The following RIMS1 variants were observed in gnomAD, a reference collection of about 807,000 sequenced individuals.
RIMS1 encodes regulating synaptic membrane exocytosis protein 1.
A neutral mutation model predicts 214.1 loss-of-function variants in RIMS1; 83 were observed. The observed-to-expected ratio is 0.39, with a 90% CI of 0.32 to 0.47. RIMS1 has a LOEUF of 0.47. Among genes scored for constraint, RIMS1 ranks in the 20% least tolerant of loss-of-function variants. The probability of loss-of-function intolerance (pLI) is 0.99; values close to 1 mark genes in which losing one functional copy is unlikely to be tolerated. For missense variants in RIMS1, 2,050 were observed against 2,161.8 expected (o/e 0.95, Z 1.03); for synonymous variants, 793 against 786.8 (o/e 1.01, Z -0.13).
At chr6:72,067,635 A>T (rs1303063560) in intron 2 of RIMS1, among the ~76,000 whole-genome samples, 3 of 152,206 alleles carry the variant, frequency 2.0e-5, no homozygotes, top group African/African-American at 7.2e-5. Context: ...TCTAGAACAT[A>T]TACCCCTTGA....
chr6:72,204,724 G>C (rs1461873659), intron 6 of RIMS1, among the ~76,000 whole-genome samples: 1 of 152,118 alleles, frequency 6.6e-6, no homozygotes, highest in Non-Finnish European at 1.5e-5. Flanking sequence ...TAAAGTGATA[G>C]TTTATAGTTA....
chr6:71,981,511 T>C (rs1412210770), intron 2 of RIMS1, among the ~76,000 whole-genome samples: 1 of 152,136 alleles, frequency 6.6e-6, no homozygotes, highest in Non-Finnish European at 1.5e-5. Flanking sequence ...AGACATAATA[T>C]ATAATCAGTG....
chr6:71,962,534 A>C (rs759886011), intron 1 of RIMS1, among the ~76,000 whole-genome samples: 1 of 152,190 alleles, frequency 6.6e-6, no homozygotes, highest in Non-Finnish European at 1.5e-5. Flanking sequence ...TGATTAGTAC[A>C]TCTGGCTTTT....
chr6:72,197,249 G>A lies in RIMS1; in HGVS notation c.1678+14100G>A, dbSNP rs187573605. ...GAGCAGCCTATCTAAAATGATCTACGTGGAAACACTCACCAGCCACACAGG... is the reference window on the plus strand; with the variant it reads ...GAGCAGCCTATCTAAAATGATCTACATGGAAACACTCACCAGCCACACAGG... On this transcript the variant is annotated intron_variant, in intron 6 of 33. Coordinates refer to ENST00000521978, the MANE Select transcript of RIMS1 (RefSeq NM_014989.7). Among the ~76,000 whole-genome samples, 142 of 152,134 alleles carry A rather than the reference G, an allele frequency of 9.3e-4. 1 individual carries two copies. The highest frequency in any genetic ancestry group is 3.0e-3 in the African/African-American group (124 of 41,512).
At position 72,262,908 on chromosome 6, in the gene RIMS1, G is replaced by A. The variant is rs529946918; in HGVS notation, c.3117-2067G>A. ...TAACATTTATTTAATAACAAGCACA[G>A]TGTTAAATATTTAATGTACTTTGTC... On this transcript the variant is annotated intron_variant, in intron 19 of 33. Coordinates refer to ENST00000521978, the MANE Select transcript of RIMS1 (RefSeq NM_014989.7). The A allele has an allele frequency of 8.3e-6, 4 of 481,938 alleles. No homozygotes were observed. The East Asian group carries it at 4.7e-4, about 56-fold the overall frequency. 29.9% of individuals were successfully genotyped at this position (481,938 alleles called of 1,614,324 possible).
intron 8 of RIMS1, among the ~76,000 whole-genome samples, chr6:72,237,051 A>T (rs1435754649): frequency 2.6e-5 from 4 of 151,972 alleles, no homozygotes; most frequent in Non-Finnish European, 5.9e-5. Context: ...TAAAATTAAA[A>T]AATTATCTGA....
chr6:72,077,958 A>G (rs1832335125), intron 2 of RIMS1, among the ~76,000 whole-genome samples: 1 of 152,308 alleles, frequency 6.6e-6, no homozygotes, highest in East Asian at 1.9e-4. Context: ...ACTTTAGATG[A>G]TAGTGAAATT....
intron 4 of RIMS1, among the ~76,000 whole-genome samples, chr6:72,149,733 G>A (rs999568770): frequency 6.6e-6 from 1 of 152,214 alleles, no homozygotes; most frequent in Admixed American, 6.5e-5. Context: ...TAGAAATGAT[G>A]CAGGATTTTT....
At chr6:72,064,593 C>T (rs1460517251) in intron 2 of RIMS1, among the ~76,000 whole-genome samples, 3 of 152,204 alleles carry the variant, frequency 2.0e-5, no homozygotes, top group African/African-American at 7.2e-5. Context: ...GTGGTTCCAG[C>T]ACAGCTGGGT....
chr6:71,960,554 A>G (rs1053771156), intron 1 of RIMS1, among the ~76,000 whole-genome samples: 1 of 152,138 alleles, frequency 6.6e-6, no homozygotes, highest in East Asian at 1.9e-4. Context: ...ACCTTCTGTC[A>G]TGGGTCGTGG....
At chr6:72,185,277 C>G (rs936696755) in intron 6 of RIMS1, among the ~76,000 whole-genome samples, 4 of 148,172 alleles carry the variant, frequency 2.7e-5, no homozygotes, top group Admixed American at 2.0e-4. Context: ...AGGATTACAC[C>G]ATTGAAGATG....
chr6:72,260,040 C>T (rs1004212516), intron 18 of RIMS1, among the ~76,000 whole-genome samples: 1 of 152,028 alleles, frequency 6.6e-6, no homozygotes, highest in Non-Finnish European at 1.5e-5. Context: ...AAGAGCTGCT[C>T]TGAGGAATAG....
intron 28 of RIMS1, among the ~76,000 whole-genome samples, chr6:72,325,798 A>G (rs1225180737): frequency 6.6e-6 from 1 of 151,886 alleles, no homozygotes; most frequent in Non-Finnish European, 1.5e-5. Flanking sequence ...GAGATTGAAT[A>G]TAAATAGTGA....
chr6:72,213,265 T>C, intron 6 of RIMS1: 1 of 1,493,626 alleles, frequency 6.7e-7, no homozygotes, highest in Non-Finnish European at 9.0e-7. Context: ...TTTGTCCCAG[T>C]TGTACCTAAA....
At chr6:71,921,758 C>T (rs1780065061) in intron 1 of RIMS1, among the ~76,000 whole-genome samples, 1 of 152,160 alleles carries the variant, frequency 6.6e-6, no homozygotes, top group Admixed American at 6.5e-5. Context: ...AAAAAGTAGT[C>T]ATTTAATACA....
Position 71,886,606 on chromosome 6 carries a change from T to G in RIMS1, c.-418T>G, listed in dbSNP as rs79141857. On this transcript the variant is annotated 5_prime_UTR_variant, in exon 1 of 34. Transcript: ENST00000521978. ...TCCACGGCGGCAGCGGCCGCCCCAG[T>G]CCCAGCCCCAGCCCCAGCCCCAGCC... is the stretch of plus-strand genomic sequence containing the variant. The G allele has an allele frequency of 8.2e-6, 1 of 122,182 alleles. No individual in the cohort carries two copies. Among genetic ancestry groups the G allele is most frequent in the South Asian group, 2.0e-4 (1 of 4,922 alleles). The allele number at this position is 122,182 out of a possible 1,614,324, so 7.6% of individuals were successfully genotyped here. A position where few individuals can be genotyped will look rare whatever the true frequency, so the allele number is the denominator to read the frequency against.
chr6:72,263,724 G>A, intron 19 of RIMS1: 1 of 985,188 alleles, frequency 1.0e-6, no homozygotes, highest in South Asian at 4.7e-5. Context: ...TAATAAGGAG[G>A]AAGCTGAAGC....
intron 2 of RIMS1, among the ~76,000 whole-genome samples, chr6:72,081,190 AT>A (rs1407569894): frequency 6.6e-6 from 1 of 152,192 alleles, no homozygotes; most frequent in Admixed American, 6.5e-5. Context: ...GGTTAAGATG[AT>A]TTATCAGAGG....
At position 72,161,613 on chromosome 6, in the gene RIMS1, A is replaced by C. The variant is rs1439214710; in HGVS notation, c.472-17962A>C. On this transcript the variant is annotated intron_variant, in intron 4 of 33. Transcript: ENST00000521978. ...TCTTTGTTCTCATTGGTTTCAAAGAACATCTTTATTTCTGCCTTCATTTCG... is the reference window on the plus strand; with the variant it reads ...TCTTTGTTCTCATTGGTTTCAAAGACCATCTTTATTTCTGCCTTCATTTCG... Among the ~76,000 whole-genome samples, 53 of 139,760 alleles carry C rather than the reference A, an allele frequency of 3.8e-4. 6 individuals carry two copies. Among genetic ancestry groups the C allele is most frequent in the Non-Finnish European group, 7.0e-4 (43 of 61,540 alleles). 91.7% of individuals were successfully genotyped at this position (139,760 alleles called of 152,430 possible).
Sources: allele counts gnomAD v4.1 joint callset (sites outside exome capture counted in the v4.1 genomes callset), GRCh38; gene constraint gnomAD v4.1.1; transcripts MANE v1.5; gene names NCBI Gene and HGNC (gene_info 2026-07-23, HGNC 2026-07-21).